The following HELZ variants were observed in gnomAD, a reference collection of about 807,000 sequenced individuals.
HELZ encodes ATP-dependent RNA helicase with zinc finger domain.
A neutral mutation model predicts 218.2 loss-of-function variants in HELZ; 23 were observed. That is an observed-to-expected ratio of 0.11 (90% CI 0.08 to 0.15). HELZ has a LOEUF of 0.15. Ranked by LOEUF, HELZ falls within the 10% of genes least tolerant of loss-of-function variation. HELZ has a pLI of 1.00. For missense variants in HELZ, 1,813 were observed against 2,353.7 expected (o/e 0.77, Z 4.75); for synonymous variants, 814 against 829.4 (o/e 0.98, Z 0.32).
chr17:67,165,287 T>C (rs981008532), intron 15 of HELZ, among the ~76,000 whole-genome samples: 23 of 152,210 alleles, frequency 1.5e-4, no homozygotes, highest in African/African-American at 5.1e-4. Flanking sequence ...TTGTAACGCA[T>C]ATTTCGTGTT....
intron 13 of HELZ, among the ~76,000 whole-genome samples, chr17:67,172,571 T>C (rs2144187349): frequency 6.6e-6 from 1 of 152,344 alleles, no homozygotes; most frequent in East Asian, 1.9e-4. Context: ...CATATATTTC[T>C]CAACTATCTT....
intron 5 of HELZ, among the ~76,000 whole-genome samples, chr17:67,215,149 G>C (rs1454277253): frequency 2.6e-5 from 4 of 151,036 alleles, no homozygotes; most frequent in African/African-American, 7.3e-5. Context: ...GTCTCAGAGA[G>C]GGGAAAAAAA....
intron 31 of HELZ, among the ~76,000 whole-genome samples, chr17:67,098,813 C>A (rs1330198351): frequency 6.6e-6 from 1 of 152,162 alleles, no homozygotes; most frequent in African/African-American, 2.4e-5. Flanking sequence ...TTGATAGACT[C>A]GCTAAAATAT....
intron 4 of HELZ, among the ~76,000 whole-genome samples, chr17:67,217,249 A>C (rs1490051114): frequency 6.6e-6 from 1 of 152,188 alleles, no homozygotes; most frequent in Non-Finnish European, 1.5e-5. Context: ...GCTCAGACAA[A>C]AAGTATCGAG....
Position 67,195,464 on chromosome 17 carries a change from T to C in HELZ, c.436A>G (p.Thr146Ala), listed in dbSNP as rs2039998843. The C allele has an allele frequency of 6.3e-7, 1 of 1,598,218 alleles. No homozygotes were observed. Among genetic ancestry groups the C allele is most frequent in the African/African-American group, 1.3e-5 (1 of 74,762 alleles). Reference sequence around the variant, plus strand: ...TGATATCCAGAGAGGGCGTTACTAGTTGCTGTCTGCAATTTTCCAAATGAA... The same window carrying C: ...TGATATCCAGAGAGGGCGTTACTAGCTGCTGTCTGCAATTTTCCAAATGAA... ...KTLLSETETA[T>A]SNALSGYHVE... Residue 146 changes from threonine (T) to alanine (A), a missense_variant, in exon 8 of 33, where the codon ACT (threonine) becomes GCT (alanine). By Grantham distance (58) the Thr-to-Ala change is moderately conservative (BLOSUM62 0). Around this residue, in one of 4 missense-constraint regions of HELZ, gnomAD observed 714 missense variants for 1,029.2 expected, o/e 0.69. Coordinates refer to ENST00000358691, the MANE Select transcript of HELZ (RefSeq NM_014877.4).
intron 3 of HELZ, among the ~76,000 whole-genome samples, chr17:67,235,228 C>G (rs959101139): frequency 6.6e-6 from 1 of 151,936 alleles, no homozygotes; most frequent in South Asian, 2.1e-4. Context: ...AACAGAAGGC[C>G]GGGCGCGGTG....
chr17:67,097,409 G>A (rs1000961584), intron 31 of HELZ, among the ~76,000 whole-genome samples: 2 of 152,072 alleles, frequency 1.3e-5, no homozygotes, highest in East Asian at 1.9e-4. Context: ...AATAAAACAA[G>A]GCATGCCCAT....
rs374888335 is a variant in HELZ, at chr17:67,078,534, G to A, written c.5547C>T (p.Leu1849=). ...TGTAGTTGAAGGAACTGGACACCTC[G>A]AGGTTCTCCGACTTCAGTTGATCCT... The part of the protein sequence containing the change: ...PPEDQLKSEN[L]EVSSSFNYSV... Residue 1849 remains leucine, a synonymous_variant, in exon 33 of 33, where the codon CTC becomes CTT. Transcript: ENST00000358691. 2.0e-5 allele frequency: 30 copies of A among 1,501,448 alleles called. No homozygotes were observed. Among genetic ancestry groups the A allele is most frequent in the Admixed American group, 4.8e-5 (2 of 41,668 alleles). The allele number at this position is 1,501,448 out of a possible 1,614,324, so 93.0% of individuals were successfully genotyped here.
intron 12 of HELZ, among the ~76,000 whole-genome samples, chr17:67,183,658 T>C (rs897145761): frequency 1.2e-4 from 19 of 152,196 alleles, no homozygotes; most frequent in African/African-American, 4.6e-4. Context: ...CAAATCAATT[T>C]TGCCAAACAA....
At position 67,188,290 on chromosome 17, in the gene HELZ, G is replaced by A. The variant is rs2039810799; in HGVS notation, c.1162+29C>T. 3 of 1,573,030 alleles carry A rather than the reference G, an allele frequency of 1.9e-6. No homozygotes were observed. Among genetic ancestry groups the A allele is most frequent in the Middle Eastern group, 1.7e-4 (1 of 5,870 alleles). On this transcript the variant is annotated intron_variant, in intron 12 of 32. Transcript: ENST00000358691. This position sits in a 1 kb window ranked among gnomAD's most constrained non-coding sequence, Gnocchi z 4.1. ...TTTGAATGTTGCTTTTTAACACATTGTATCGGGGGAAAAAAGTCTAAATAT... is the reference window on the plus strand; with the variant it reads ...TTTGAATGTTGCTTTTTAACACATTATATCGGGGGAAAAAAGTCTAAATAT...
chr17:67,215,231 GAA>G (rs1377031842), intron 5 of HELZ, among the ~76,000 whole-genome samples: 1 of 152,034 alleles, frequency 6.6e-6, no homozygotes, highest in African/African-American at 2.4e-5. Context: ...GATCAAGAAG[GAA>G]AGACATTTTA....
intron 24 of HELZ, among the ~76,000 whole-genome samples, chr17:67,126,347 A>G (rs1290680339): frequency 1.3e-5 from 2 of 152,192 alleles, no homozygotes; most frequent in African/African-American, 2.4e-5. Context: ...ACTGTGTAGT[A>G]TACTAAATTA....
chr17:67,172,698 C>A (rs2039347426), intron 13 of HELZ, among the ~76,000 whole-genome samples: 1 of 152,120 alleles, frequency 6.6e-6, no homozygotes, highest in African/African-American at 2.4e-5. Flanking sequence ...GCCTTGACCT[C>A]CTGAGCTCAA....
intron 17 of HELZ, among the ~76,000 whole-genome samples, chr17:67,159,587 C>A (rs2038939947): frequency 6.6e-6 from 1 of 152,030 alleles, no homozygotes; most frequent in Non-Finnish European, 1.5e-5. Flanking sequence ...ACAATGAAAG[C>A]AAATGGTATA....
chr17:67,137,319 C>T (rs779478766), intron 22 of HELZ, among the ~76,000 whole-genome samples: 2 of 152,162 alleles, frequency 1.3e-5, no homozygotes, highest in Non-Finnish European at 2.9e-5. Flanking sequence ...TAATTTACTC[C>T]TAATGTTCTT....
chr17:67,178,809 C>T lies in HELZ; in HGVS notation c.1280G>A (p.Ser427Asn). The T allele has an allele frequency of 6.2e-7, 1 of 1,613,902 alleles. No individual in the cohort carries two copies. The highest frequency in any genetic ancestry group is 8.5e-7 in the Non-Finnish European group (1 of 1,179,882). The change falls in exon 13 of 33, where the codon AGC becomes AAC. Residue 427 changes from serine (S) to asparagine (N), a missense_variant. Physicochemically the swap from Ser to Asn is conservative, Grantham distance 46 (BLOSUM62 1). Transcript: ENST00000358691. ...EPNETTDLEK[S>N]LLIRYQIPLS... Reference sequence around the variant, plus strand: ...GGGAATTTGGTATCTGATAAGAAGGCTCTTCTCCAAATCAGTAGTTTCATT... The same window carrying T: ...GGGAATTTGGTATCTGATAAGAAGGTTCTTCTCCAAATCAGTAGTTTCATT...
At chr17:67,191,104 A>T (rs542697688) in intron 9 of HELZ, among the ~76,000 whole-genome samples, 19 of 152,324 alleles carry the variant, frequency 1.2e-4, no homozygotes, top group Middle Eastern at 3.4e-3. Flanking sequence ...CCTTAAAAAA[A>T]TTTTCTATAT....
In HELZ at chr17:67,128,788, G is replaced by C. The variant is rs1335422251; in HGVS notation, c.3250C>G (p.Gln1084Glu). ...NSSLHGITFEQIKAQLEALEL... is the reference protein window; with the variant it reads ...NSSLHGITFEEIKAQLEALEL... The stretch of plus-strand genomic sequence containing the variant: ...AAAGCCTCTAACTGGGCTTTGATCT[G>C]TTCAAAAGTGATTCCATGTAGGCTA... The change falls in exon 24 of 33, where the codon CAG becomes GAG. Residue 1084 changes from glutamine to glutamate, a missense_variant. Gln to Glu is a conservative substitution (Grantham distance 29). Around this residue, in one of 4 missense-constraint regions of HELZ, gnomAD observed 156 missense variants for 274.4 expected, o/e 0.57. Transcript: ENST00000358691. 3 of 1,613,916 alleles carry C rather than the reference G, an allele frequency of 1.9e-6. No individual in the cohort carries two copies. The highest frequency in any genetic ancestry group is 2.2e-5 in the East Asian group (1 of 44,888).
chr17:67,212,124 C>G (rs781049775), intron 5 of HELZ, among the ~76,000 whole-genome samples: 7 of 151,634 alleles, frequency 4.6e-5, no homozygotes, highest in Non-Finnish European at 8.8e-5. Context: ...GAGTTCAAGA[C>G]CAGCCTGGCC....
Sources: allele counts gnomAD v4.1 joint callset (sites outside exome capture counted in the v4.1 genomes callset), GRCh38; gene constraint gnomAD v4.1.1; regional missense constraint gnomAD v4.1.1; non-coding constraint Gnocchi (gnomAD v3.1); transcripts MANE v1.5; gene names NCBI Gene and HGNC (gene_info 2026-07-23, HGNC 2026-07-21).